The following KIAA0825 variants were observed in gnomAD, a reference collection of about 807,000 sequenced individuals.
The protein encoded by KIAA0825 is uncharacterized protein KIAA0825.
Under a neutral mutation model 147.6 loss-of-function variants are expected in KIAA0825, and 119 were observed. The observed-to-expected ratio is 0.81, with a 90% CI of 0.69 to 0.94. KIAA0825 has a LOEUF of 0.94. Ranked by LOEUF, KIAA0825 falls within the 40% of genes least tolerant of loss-of-function variation. KIAA0825 has a pLI of 0.00. For synonymous variants in KIAA0825, 470 were observed against 518.1 expected (o/e 0.91, Z 1.26); for missense variants, 1,381 against 1,472.7 (o/e 0.94, Z 1.02).
rs1405306280 is a variant in KIAA0825 at position 94,202,992 on chromosome 5, C to G, written c.3711-48868G>C. ...CTTTGGCTTTCTTAGAACTGTACCCCTATCTGTCCTCAGGTGAACAAAGGC... is the reference window on the plus strand; with the variant it reads ...CTTTGGCTTTCTTAGAACTGTACCCGTATCTGTCCTCAGGTGAACAAAGGC... On this transcript the variant is annotated intron_variant, in intron 20 of 20. Transcript: ENST00000682413. 3.9e-5 allele frequency among the ~76,000 whole-genome samples: 6 copies of G among 152,274 alleles called. No individual in the cohort carries two copies. The East Asian group carries it at 7.7e-4, about 20-fold the overall frequency.
chr5:94,593,133 C>T (rs780121716), intron 1 of KIAA0825: 136 of 745,162 alleles, frequency 1.8e-4, no homozygotes, highest in Non-Finnish European at 3.2e-4. Context: ...ATGTGTTATA[C>T]ATCACACAAC....
intron 20 of KIAA0825, among the ~76,000 whole-genome samples, chr5:94,253,562 G>A (rs1449402086): frequency 6.6e-6 from 1 of 152,054 alleles, no homozygotes; most frequent in Non-Finnish European, 1.5e-5. Flanking sequence ...CCTAGTTTGA[G>A]CCAAATAGGC....
At chr5:94,598,616 A>G (rs1004441999) in intron 1 of KIAA0825, among the ~76,000 whole-genome samples, 3 of 152,166 alleles carry the variant, frequency 2.0e-5, no homozygotes, top group African/African-American at 4.8e-5. Context: ...TATTATCATT[A>G]TCAACTATTA....
chr5:94,314,681 A>G (rs190337344), intron 20 of KIAA0825, among the ~76,000 whole-genome samples: 7 of 151,726 alleles, frequency 4.6e-5, no homozygotes, highest in Admixed American at 4.0e-4. Context: ...AAGTGGGAGA[A>G]AATAAGTGTC....
chr5:94,471,414 G>A (rs1761203022), intron 9 of KIAA0825, 52 bp downstream of exon 9: 4 of 1,517,532 alleles, frequency 2.6e-6, no homozygotes, highest in Admixed American at 4.2e-5. Context: ...GATATCCAAA[G>A]ATTACACGTT....
chr5:94,477,031 C>T, intron 7 of KIAA0825, 80 bp downstream of exon 7: 1 of 1,016,360 alleles, frequency 9.8e-7, no homozygotes, highest in Non-Finnish European at 1.5e-6. Flanking sequence ...AAACTCAAGA[C>T]ATCTTGATTC....
chr5:94,465,098 C>T, intron 10 of KIAA0825, 39 bp from the exon 11 acceptor site: 1 of 1,519,430 alleles, frequency 6.6e-7, no homozygotes, highest in Middle Eastern at 1.8e-4. Context: ...AGAGTTACAT[C>T]TTCTAAAATG....
chr5:94,190,315 TTTTGTTTG>T (rs376464492), intron 20 of KIAA0825, among the ~76,000 whole-genome samples: 18 of 151,864 alleles, frequency 1.2e-4, no homozygotes, highest in African/African-American at 3.9e-4. Flanking sequence ...ATACGATGTT[TTTTGTTTG>T]TTTGTTTGTT....
At chr5:94,413,498 T>C (rs1304710925) in intron 15 of KIAA0825, 1 of 152,254 alleles carries the variant, frequency 6.6e-6, no homozygotes, top group East Asian at 1.9e-4. Flanking sequence ...TATAAAATTA[T>C]CAAAAACATT....
At chr5:94,198,732 G>T (rs1007273462) in intron 20 of KIAA0825, among the ~76,000 whole-genome samples, 1 of 152,098 alleles carries the variant, frequency 6.6e-6, no homozygotes, top group Non-Finnish European at 1.5e-5. Flanking sequence ...TAACCAACCG[G>T]TACGTTCTGC....
In KIAA0825 at chr5:94,382,122, G is replaced by A. The variant is rs545111458; in HGVS notation, c.3710+2246C>T. 3.3e-5 allele frequency among the ~76,000 whole-genome samples: 5 copies of A among 152,186 alleles called. No homozygotes were observed. The South Asian group carries it at 1.0e-3, about 32-fold the overall frequency. ...AAGAGAAAAAGTGACTCATTTAATT[G>A]GTGAATTTGGAAGGAAAAAACTGAG... On this transcript the variant is annotated intron_variant, in intron 20 of 20. Transcript: ENST00000682413.
intron 20 of KIAA0825, among the ~76,000 whole-genome samples, chr5:94,210,686 CT>C (rs202095082): frequency 6.6e-6 from 1 of 152,052 alleles, no homozygotes. Flanking sequence ...ACAGAAAATT[CT>C]TTTTTTACAA....
intron 20 of KIAA0825, among the ~76,000 whole-genome samples, chr5:94,310,239 A>T (rs1779040685): frequency 1.3e-5 from 2 of 151,596 alleles, no homozygotes; most frequent in Non-Finnish European, 3.0e-5. Context: ...GGTACACCTG[A>T]AACTTCACAT....
chr5:94,209,239 G>A (rs1029748235), intron 20 of KIAA0825, among the ~76,000 whole-genome samples: 4 of 152,114 alleles, frequency 2.6e-5, no homozygotes, highest in Non-Finnish European at 5.9e-5. Context: ...CAGACAATGA[G>A]CTTTTTAAAG....
intron 20 of KIAA0825, among the ~76,000 whole-genome samples, chr5:94,240,530 A>G (rs553080628): frequency 6.6e-6 from 1 of 152,312 alleles, no homozygotes; most frequent in South Asian, 2.1e-4. Context: ...CTGTTCTCTT[A>G]TTGATACTGA....
At chr5:94,442,576 T>C (rs1284495701) in intron 13 of KIAA0825, among the ~76,000 whole-genome samples, 2 of 152,168 alleles carry the variant, frequency 1.3e-5, no homozygotes, top group Non-Finnish European at 2.9e-5. Flanking sequence ...CCCTTTGGAC[T>C]AAAAATCTAA....
intron 2 of KIAA0825, among the ~76,000 whole-genome samples, chr5:94,540,704 A>G (rs1773120254): frequency 5.3e-5 from 8 of 152,240 alleles, no homozygotes; most frequent in Admixed American, 5.2e-4. Context: ...GGAAATAAAG[A>G]CAGTTTTAAA....
chr5:94,503,258 T>C (rs1263561698), intron 5 of KIAA0825, among the ~76,000 whole-genome samples: 1 of 152,052 alleles, frequency 6.6e-6, no homozygotes, highest in Non-Finnish European at 1.5e-5. Flanking sequence ...AACTGATAAA[T>C]AAATGAATTC....
chr5:94,434,870 C>A (rs982931705), intron 14 of KIAA0825, among the ~76,000 whole-genome samples: 1 of 152,152 alleles, frequency 6.6e-6, no homozygotes, highest in Non-Finnish European at 1.5e-5. Context: ...AAAGGTTCAA[C>A]CTCTCAACAT....
Sources: allele counts gnomAD v4.1 joint callset (sites outside exome capture counted in the v4.1 genomes callset), GRCh38; gene constraint gnomAD v4.1.1; transcripts MANE v1.5; gene names NCBI Gene and HGNC (gene_info 2026-07-23, HGNC 2026-07-21).